ESYT2: variants seen among roughly 807,000 people sequenced by gnomAD.
The protein encoded by ESYT2 is extended synaptotagmin-2.
In ESYT2, 54 loss-of-function variants were observed where a neutral mutation model predicts 107.2. That is an observed-to-expected ratio of 0.50 (90% CI 0.40 to 0.63). The LOEUF (loss-of-function observed/expected upper bound fraction) is 0.63, where lower values mean the gene tolerates loss of function less well. Ranked by LOEUF, ESYT2 falls within the 30% of genes least tolerant of loss-of-function variation. The pLI is 0.00. For missense variants in ESYT2, 1,020 were observed against 1,094.5 expected (o/e 0.93, Z 0.96); for synonymous variants, 491 against 434.1 (o/e 1.13, Z -1.63).
chr7:158,739,272 GGGT>G, intron 18 of ESYT2, 151 bp from the exon 19 acceptor site: 1 of 621,318 alleles, frequency 1.6e-6, no homozygotes, highest in Non-Finnish European at 2.8e-6. Flanking sequence ...TGAAACTTCT[GGGT>G]ACAAGTCAAA....
In ESYT2 at chr7:158,731,217, C is replaced by T. The variant is rs1836735719; in HGVS notation, c.*2990G>A. On this transcript the variant is annotated 3_prime_UTR_variant, in exon 23 of 23. Transcript: ENST00000275418. ...GCTTATGTGCCTGAAAAAGAAGGGC[C>T]GACCTCTTGATAAAGAATGTCTGTA... The T allele has an allele frequency of 1.3e-5, 2 of 152,122 alleles. No individual in the cohort carries two copies. Among genetic ancestry groups the T allele is most frequent in the Non-Finnish European group, 1.5e-5 (1 of 68,038 alleles). The allele number at this position is 152,122 out of a possible 1,614,324, so 9.4% of individuals were successfully genotyped here.
At chr7:158,783,027 C>T (rs1433895299) in intron 6 of ESYT2, among the ~76,000 whole-genome samples, 6 of 152,156 alleles carry the variant, frequency 3.9e-5, no homozygotes, top group Non-Finnish European at 1.5e-5. Flanking sequence ...CGTGCCCCTC[C>T]TTCCCCATGG....
Position 158,797,926 on chromosome 7 carries a change from T to G in ESYT2, c.507+16A>C. On this transcript the variant is annotated intron_variant, in intron 3 of 22. Coordinates refer to ENST00000275418, the MANE Select transcript of ESYT2 (RefSeq NM_001367773.1). The stretch of plus-strand genomic sequence containing the variant: ...TCTGACTGTGTGCACGTGAGGATAC[T>G]TAAGAGAACACTGACCTGCTGGCCC... 1 of 1,612,666 alleles carries G rather than the reference T, an allele frequency of 6.2e-7. No individual in the cohort carries two copies. The highest frequency in any genetic ancestry group is 8.5e-7 in the Non-Finnish European group (1 of 1,179,590).
chr7:158,760,342 TGGCAGCAACAGGTGTGAGCGAC>T (rs1359866010), intron 11 of ESYT2, among the ~76,000 whole-genome samples, 195 bp from the exon 12 acceptor site: 1 of 152,230 alleles, frequency 6.6e-6, no homozygotes, highest in Non-Finnish European at 1.5e-5. Context: ...TTGGAGGCGA[TGGCAGCAACAGGTGTGAGCGAC>T]CATTCTAAGT....
At chr7:158,755,202 G>A (rs1416724641) in intron 13 of ESYT2, among the ~76,000 whole-genome samples, 1 of 152,234 alleles carries the variant, frequency 6.6e-6, no homozygotes, top group African/African-American at 2.4e-5. Flanking sequence ...GGAAGTAAGA[G>A]AGCACTGGGT....
At position 158,797,790 on chromosome 7, in the gene ESYT2, T is replaced by C. The variant is rs113100549; in HGVS notation, c.507+152A>G. On this transcript the variant is annotated intron_variant, in intron 3 of 22. Coordinates refer to ENST00000275418, the MANE Select transcript of ESYT2 (RefSeq NM_001367773.1). ...AATAGTGTGAACCTGGGAGGCAGAG[T>C]TTGCAGTGAGCCAAGATAGTGCCAC... is the stretch of plus-strand genomic sequence containing the variant. 95 of 996,628 alleles carry C rather than the reference T, an allele frequency of 9.5e-5. 5 individuals carry two copies. The African/African-American group carries it at 9.8e-4, about 10-fold the overall frequency. The allele number at this position is 996,628 out of a possible 1,614,324, so 61.7% of individuals were successfully genotyped here. A position where few individuals can be genotyped will look rare whatever the true frequency, so the allele number is the denominator to read the frequency against.
chr7:158,786,417 G>C (rs1839118129), intron 6 of ESYT2, among the ~76,000 whole-genome samples: 1 of 151,806 alleles, frequency 6.6e-6, no homozygotes, highest in Non-Finnish European at 1.5e-5. Context: ...TTTAATGACT[G>C]GTATGGGAAA....
In ESYT2 at chr7:158,741,518, G is replaced by C. The variant is rs759600331; in HGVS notation, c.2168+5C>G. ...GTGAGAAACAACATGGTGGCACTTA[G>C]TTACTTTTCCAGCTGCCTCAGCCTT... On this transcript the variant is annotated splice_donor_5th_base_variant and intron_variant, in intron 18 of 22. Coordinates refer to ENST00000275418, the MANE Select transcript of ESYT2 (RefSeq NM_001367773.1). The C allele has an allele frequency of 4.5e-6, 7 of 1,562,852 alleles. No individual in the cohort carries two copies. The African/African-American group carries it at 8.2e-5, about 18-fold the overall frequency.
intron 5 of ESYT2, 23 bp downstream of exon 5, chr7:158,788,322 A>G: frequency 6.3e-7 from 1 of 1,586,434 alleles, no homozygotes; most frequent in East Asian, 2.2e-5. Context: ...TGTCAAATTA[A>G]AACAAAAAAA....
intron 16 of ESYT2, among the ~76,000 whole-genome samples, chr7:158,747,430 G>T (rs992590006): frequency 6.6e-6 from 1 of 151,274 alleles, no homozygotes; most frequent in Middle Eastern, 3.5e-3. Context: ...AAAAAAGACA[G>T]GCAAAAAAAC....
In ESYT2 at chr7:158,733,358, T is replaced by C. The variant is rs1341277663; in HGVS notation, c.*849A>G. The C allele has an allele frequency of 6.6e-6, 1 of 152,246 alleles. No homozygotes were observed. Among genetic ancestry groups the C allele is most frequent in the Admixed American group, 6.5e-5 (1 of 15,282 alleles). The allele number at this position is 152,246 out of a possible 1,614,324, so 9.4% of individuals were successfully genotyped here. On this transcript the variant is annotated 3_prime_UTR_variant, in exon 23 of 23. Transcript: ENST00000275418. ...ACTGATTGTTTGACAACAGCTTAATTGCTAACATTGAAAGTCTGCTCTTAC... is the reference window on the plus strand; with the variant it reads ...ACTGATTGTTTGACAACAGCTTAATCGCTAACATTGAAAGTCTGCTCTTAC...
intron 11 of ESYT2, among the ~76,000 whole-genome samples, chr7:158,760,907 C>T (rs745901405): frequency 5.9e-5 from 9 of 152,158 alleles, no homozygotes; most frequent in African/African-American, 2.2e-4. Flanking sequence ...GGGAAGGAAA[C>T]GTGTGATTAC....
chr7:158,773,493 A>G (rs1838445974), intron 6 of ESYT2, 97 bp from the exon 7 acceptor site: 1 of 1,165,566 alleles, frequency 8.6e-7, no homozygotes, highest in East Asian at 2.5e-5. Flanking sequence ...AAAATGGGTT[A>G]GTACACAACA....
At chr7:158,774,407 C>G (rs192869802) in intron 6 of ESYT2, among the ~76,000 whole-genome samples, 58 of 152,302 alleles carry the variant, frequency 3.8e-4, no homozygotes, top group African/African-American at 1.4e-3. Flanking sequence ...AACTAATCTT[C>G]AAACTGGATT....
At chr7:158,792,486 C>T (rs1384021150) in intron 4 of ESYT2, among the ~76,000 whole-genome samples, 2 of 151,202 alleles carry the variant, frequency 1.3e-5, no homozygotes, top group African/African-American at 4.8e-5. Context: ...CAAGACTGCG[C>T]CACTGCACTC....
At chr7:158,739,799 C>CCT (rs1018193817) in intron 18 of ESYT2, among the ~76,000 whole-genome samples, 8 of 90,256 alleles carry the variant, frequency 8.9e-5, no homozygotes, top group African/African-American at 4.6e-4. Context: ...TATACCCCCC[C>CCT]CTTCGCAGTT....
intron 19 of ESYT2, 109 bp from the exon 20 acceptor site, chr7:158,737,288 C>T (rs1563614170): frequency 2.9e-6 from 4 of 1,380,676 alleles, no homozygotes; most frequent in East Asian, 2.5e-5. Context: ...ATCTACAAAC[C>T]GAGAAGCAAC....
intron 6 of ESYT2, among the ~76,000 whole-genome samples, 192 bp downstream of exon 6, chr7:158,787,812 A>G (rs1305690010): frequency 2.0e-5 from 3 of 152,216 alleles, no homozygotes; most frequent in African/African-American, 7.2e-5. Flanking sequence ...ATCAGGAAAG[A>G]GAGCTGTTTA....
At chr7:158,759,358 T>A in intron 13 of ESYT2, 128 bp downstream of exon 13, 1 of 685,384 alleles carries the variant, frequency 1.5e-6, no homozygotes, top group Non-Finnish European at 2.4e-6. Context: ...TCTCCTGCAC[T>A]TGGACGTGAA....
Sources: allele counts gnomAD v4.1 joint callset (sites outside exome capture counted in the v4.1 genomes callset), GRCh38; gene constraint gnomAD v4.1.1; transcripts MANE v1.5; gene names NCBI Gene and HGNC (gene_info 2026-07-23, HGNC 2026-07-21).